The following WNT3A variants were observed in gnomAD, a reference collection of about 807,000 sequenced individuals.
WNT3A encodes the protein protein Wnt-3a.
WNT3A carries 17 observed loss-of-function variants against 37.0 expected under a neutral mutation model. The ratio of observed to expected loss-of-function variants is 0.46; its 90% confidence interval spans 0.31 to 0.69. The LOEUF (loss-of-function observed/expected upper bound fraction) is 0.69. Ranked by LOEUF, WNT3A falls within the 30% of genes least tolerant of loss-of-function variation. The probability of loss-of-function intolerance (pLI) is 0.05; values close to 1 mark genes in which losing one functional copy is unlikely to be tolerated. For missense variants in WNT3A, 411 were observed against 510.2 expected, an observed-to-expected ratio of 0.81 and a Z score of 1.87; for synonymous variants, 187 against 211.0, an observed-to-expected ratio of 0.89 and a Z score of 0.99.
chr1:228,028,589 G>A (rs2030912677), intron 2 of WNT3A, among the ~76,000 whole-genome samples: 1 of 152,036 alleles, frequency 6.6e-6, no homozygotes, highest in Admixed American at 6.6e-5. Context: ...CTCTCAAAGT[G>A]CTGGGATTAC....
chr1:228,014,390 T>C (rs1297934929), intron 1 of WNT3A, among the ~76,000 whole-genome samples: 1 of 152,028 alleles, frequency 6.6e-6, no homozygotes, highest in Non-Finnish European at 1.5e-5. Flanking sequence ...TACTGTGAGG[T>C]CCCCACGCCC....
intron 2 of WNT3A, among the ~76,000 whole-genome samples, chr1:228,047,533 C>T (rs1445604348): frequency 1.3e-5 from 2 of 152,138 alleles, no homozygotes; most frequent in Non-Finnish European, 2.9e-5. Flanking sequence ...GCATCACGAG[C>T]CCCAGGGGCT....
At chr1:228,011,932 G>A (rs1205231823) in intron 1 of WNT3A, among the ~76,000 whole-genome samples, 5 of 152,236 alleles carry the variant, frequency 3.3e-5, no homozygotes, top group Non-Finnish European at 7.3e-5. Flanking sequence ...CCGCCTCAGG[G>A]ACGCACAGCA....
rs2031771316 is a variant in WNT3A, at chr1:228,060,094, TGTGG to T, written c.*635_*638del. On this transcript the variant is annotated 3_prime_UTR_variant, in exon 4 of 4. Transcript: ENST00000284523. ...GGCGTGGCCTGCATAGGCTCCTTCC[TGTGG>T]GTGGGGCTTCTCTGGGACCAGGCTC... 4 of 1,257,342 alleles carry T rather than the reference TGTGG, an allele frequency of 3.2e-6. No individual in the cohort carries two copies. The highest frequency in any genetic ancestry group is 2.5e-5 in the Admixed American group (1 of 40,328). The allele number at this position is 1,257,342 out of a possible 1,614,324, so 77.9% of individuals were successfully genotyped here.
At position 228,059,267 on chromosome 1, in the gene WNT3A, G is replaced by C; in HGVS notation, c.861G>C (p.Thr287=). 1.2e-6 allele frequency: 2 copies of C among 1,602,840 alleles called. No homozygotes were observed. Among genetic ancestry groups the C allele is most frequent in the Non-Finnish European group, 1.7e-6 (2 of 1,177,598 alleles). The change falls in exon 4 of 4, where the codon ACG becomes ACC. Residue 287 remains threonine, a synonymous_variant. Coordinates refer to ENST00000284523, the MANE Select transcript of WNT3A (RefSeq NM_033131.4). ...SPNFCEPNPE[T]GSFGTRDRTC... ...ACTTCTGCGAGCCCAACCCTGAGAC[G>C]GGCTCCTTCGGCACGCGCGACCGCA...
chr1:228,058,063 A>C (rs1265805849), intron 3 of WNT3A, among the ~76,000 whole-genome samples: 1 of 152,230 alleles, frequency 6.6e-6, no homozygotes, highest in Admixed American at 6.5e-5. Flanking sequence ...GGCCTCCCAA[A>C]GTGCTGGGAT....
chr1:228,014,345 C>G (rs1452749260), intron 1 of WNT3A, among the ~76,000 whole-genome samples: 1 of 152,232 alleles, frequency 6.6e-6, no homozygotes. Flanking sequence ...CCCATGCCCA[C>G]CTTCCAGGCC....
In WNT3A at chr1:228,050,421, C is replaced by G. The variant is rs532662794; in HGVS notation, c.314-235C>G. Among the ~76,000 whole-genome samples, 1 of 152,368 alleles carries G rather than the reference C, an allele frequency of 6.6e-6. No individual in the cohort carries two copies. Among genetic ancestry groups the G allele is most frequent in the South Asian group, 2.1e-4 (1 of 4,826 alleles). ...CACACACTGGTTCCCCTTTACGCCC[C>G]CTTTCCCTTCTGCCACAAGTGGAAA... is the stretch of plus-strand genomic sequence containing the variant. On this transcript the variant is annotated intron_variant, in intron 2 of 3. Coordinates refer to ENST00000284523, the MANE Select transcript of WNT3A (RefSeq NM_033131.4). The surrounding 1 kb of genome is among the most constrained non-coding windows in gnomAD (Gnocchi z 5.0).
chr1:228,058,911 G>A, intron 3 of WNT3A, 75 bp from the exon 4 acceptor site: 3 of 1,410,884 alleles, frequency 2.1e-6, no homozygotes, highest in Non-Finnish European at 2.9e-6. Context: ...GGCTGCAGGC[G>A]ACATGTAATG....
chr1:228,036,203 C>A, intron 2 of WNT3A, among the ~76,000 whole-genome samples: 1 of 152,206 alleles, frequency 6.6e-6, no homozygotes, highest in East Asian at 1.9e-4. Flanking sequence ...GCCAAGATGG[C>A]CTTGTTGAAC....
At chr1:228,053,166 G>C (rs772836541) in intron 3 of WNT3A, among the ~76,000 whole-genome samples, 1 of 152,140 alleles carries the variant, frequency 6.6e-6, no homozygotes, top group African/African-American at 2.4e-5. Context: ...GCCCTAACCT[G>C]TCAGCACCTT....
chr1:228,042,623 G>A lies in WNT3A; in HGVS notation c.314-8033G>A, dbSNP rs966050694. On this transcript the variant is annotated intron_variant, in intron 2 of 3. Coordinates refer to ENST00000284523, the MANE Select transcript of WNT3A (RefSeq NM_033131.4). This position sits in a 1 kb window ranked among gnomAD's most constrained non-coding sequence, Gnocchi z 5.2. Reference sequence around the variant, plus strand: ...GATGGATGCATGATGAATGGATAATGGGTGAATGGATGGATGAGTGGTGGT... The same window carrying A: ...GATGGATGCATGATGAATGGATAATAGGTGAATGGATGGATGAGTGGTGGT... 3.3e-5 allele frequency among the ~76,000 whole-genome samples: 5 copies of A among 152,044 alleles called. No homozygotes were observed. The highest frequency in any genetic ancestry group is 1.2e-4 in the African/African-American group (5 of 41,386).
At position 228,022,797 on chromosome 1, in the gene WNT3A, G is replaced by A. The variant is rs548478697; in HGVS notation, c.202G>A (p.Glu68Lys). ...CGTGGAGATCATGCCCAGCGTGGCCGAGGGCATCAAGATTGGCATCCAGGA... is the reference window on the plus strand; with the variant it reads ...CGTGGAGATCATGCCCAGCGTGGCCAAGGGCATCAAGATTGGCATCCAGGA... The part of the protein sequence containing the change: ...NYVEIMPSVA[E>K]GIKIGIQECQ... The change falls in exon 2 of 4, where the codon GAG (glutamate) becomes AAG (lysine). Residue 68 changes from glutamate (E) to lysine (K), a missense_variant. Coordinates refer to ENST00000284523, the MANE Select transcript of WNT3A (RefSeq NM_033131.4). 5.8e-5 allele frequency: 94 copies of A among 1,614,154 alleles called. No individual in the cohort carries two copies. Among genetic ancestry groups the A allele is most frequent in the Admixed American group, 1.2e-4 (7 of 60,028 alleles).
Position 228,050,795 on chromosome 1 carries a change from G to C in WNT3A, c.453G>C (p.Lys151Asn), listed in dbSNP as rs2031529581. Residue 151 changes from lysine (K) to asparagine (N), a missense_variant, in exon 3 of 4, where the codon AAG becomes AAC. Transcript: ENST00000284523. The surrounding 1 kb of genome is among the most constrained non-coding windows in gnomAD (Gnocchi z 5.0). ...AGGGCTCACCAGGCAAGGGCTGGAAGTGGGGTGGCTGTAGCGAGGACATCG... is the reference window on the plus strand; with the variant it reads ...AGGGCTCACCAGGCAAGGGCTGGAACTGGGGTGGCTGTAGCGAGGACATCG... ...RHQGSPGKGW[K>N]WGGCSEDIEF... 1.2e-6 allele frequency: 2 copies of C among 1,614,064 alleles called. No homozygotes were observed. The highest frequency in any genetic ancestry group is 1.7e-6 in the Non-Finnish European group (2 of 1,179,970).
intron 2 of WNT3A, among the ~76,000 whole-genome samples, chr1:228,034,997 T>G (rs781630177): frequency 2.1e-4 from 32 of 152,262 alleles, no homozygotes; most frequent in Admixed American, 1.5e-3. Context: ...GGTATACATG[T>G]GGCGCAAATG....
Position 228,039,012 on chromosome 1 carries a change from G to A in WNT3A, c.314-11644G>A, listed in dbSNP as rs2031211025. On this transcript the variant is annotated intron_variant, in intron 2 of 3. Transcript: ENST00000284523. This position sits in a 1 kb window ranked among gnomAD's most constrained non-coding sequence, Gnocchi z 4.1. ...TCTCCTGGGCAGTGGGCAATGTTGG[G>A]AGTCTGGGCCCCCAGCACCCGGCTG... is the stretch of plus-strand genomic sequence containing the variant. Among the ~76,000 whole-genome samples, 1 of 152,144 alleles carries A rather than the reference G, an allele frequency of 6.6e-6. No individual in the cohort carries two copies. The highest frequency in any genetic ancestry group is 2.1e-4 in the South Asian group (1 of 4,834).
rs191373080 is a variant in WNT3A at position 228,041,698 on chromosome 1, C to T, written c.314-8958C>T. Among the ~76,000 whole-genome samples, 186 of 152,240 alleles carry T rather than the reference C, an allele frequency of 1.2e-3. 1 individual carries two copies. Among genetic ancestry groups the T allele is most frequent in the African/African-American group, 4.4e-3 (181 of 41,542 alleles). On this transcript the variant is annotated intron_variant, in intron 2 of 3. Coordinates refer to ENST00000284523, the MANE Select transcript of WNT3A (RefSeq NM_033131.4). ...ATGTTGTCAAGCCTTGCTATGTGTC[C>T]TTGTCCTCTCTACTGCCTCCCTTGT...
chr1:228,018,237 T>G (rs888308322), intron 1 of WNT3A, among the ~76,000 whole-genome samples: 1 of 152,148 alleles, frequency 6.6e-6, no homozygotes, highest in East Asian at 1.9e-4. Context: ...CAGGCCTGTC[T>G]GTCCCTTGTC....
intron 1 of WNT3A, among the ~76,000 whole-genome samples, chr1:228,019,735 T>C (rs573845920): frequency 5.3e-5 from 8 of 152,342 alleles, no homozygotes; most frequent in African/African-American, 1.7e-4. Flanking sequence ...TCTCTATCTA[T>C]CCGTCTTATC....
Sources: allele counts gnomAD v4.1 joint callset (sites outside exome capture counted in the v4.1 genomes callset), GRCh38; gene constraint gnomAD v4.1.1; non-coding constraint Gnocchi (gnomAD v3.1); transcripts MANE v1.5; gene names NCBI Gene and HGNC (gene_info 2026-07-23, HGNC 2026-07-21).